The following ITGBL1 variants were observed in gnomAD, a reference collection of about 807,000 sequenced individuals.
ITGBL1 encodes the protein integrin beta-like protein 1.
Under a neutral mutation model 68.5 loss-of-function variants are expected in ITGBL1, and 51 were observed. The ratio of observed to expected loss-of-function variants is 0.74; its 90% CI spans 0.59 to 0.94. The LOEUF (loss-of-function observed/expected upper bound fraction) is 0.94, where lower values mean the gene tolerates loss of function less well. Ranked by LOEUF, ITGBL1 falls within the 40% of genes least tolerant of loss-of-function variation. The pLI, the probability that ITGBL1 is intolerant of heterozygous loss-of-function variation, is 0.00. For missense variants in ITGBL1, 649 were observed against 647.4 expected (o/e 1.00, Z -0.03); for synonymous variants, 209 against 227.3 (o/e 0.92, Z 0.72).
At chr13:101,719,176 AACTT>A (rs1275174747), downstream of ITGBL1, 3 of 152,156 alleles carry the variant, frequency 2.0e-5, no homozygotes, top group African/African-American at 4.8e-5. Flanking sequence ...ATACGTGTCT[AACTT>A]ACTTAAAGAA....
At chr13:101,554,693 G>A (rs1033332041) in intron 2 of ITGBL1, among the ~76,000 whole-genome samples, 3 of 152,202 alleles carry the variant, frequency 2.0e-5, no homozygotes, top group Admixed American at 2.0e-4. Context: ...CCAGGGATAT[G>A]CAGTTTGGAC....
Position 101,472,721 on chromosome 13 carries a change from A to AT in ITGBL1, c.316+18629dup, listed in dbSNP as rs199717194. On this transcript the variant is annotated intron_variant, in intron 2 of 10. Coordinates refer to ENST00000376180, the MANE Select transcript of ITGBL1 (RefSeq NM_004791.3). ...TTAACTTAATGCAGAGGGTTGTTTC[A>AT]TTTTTTTTAATGAGGAACTTTAATT... Among the ~76,000 whole-genome samples, 663 of 151,776 alleles carry AT rather than the reference A, an allele frequency of 4.4e-3. 5 individuals carry two copies. Among genetic ancestry groups the AT allele is most frequent in the African/African-American group, 0.015 (637 of 41,418 alleles).
intron 2 of ITGBL1, among the ~76,000 whole-genome samples, chr13:101,541,678 T>TG (rs1350902397): frequency 6.6e-6 from 1 of 152,202 alleles, no homozygotes; most frequent in Non-Finnish European, 1.5e-5. Context: ...TGAATCCATC[T>TG]GGTCCTGGAC....
intron 2 of ITGBL1, among the ~76,000 whole-genome samples, chr13:101,504,203 A>AT (rs2048989288): frequency 6.6e-6 from 1 of 152,156 alleles, no homozygotes; most frequent in South Asian, 2.1e-4. Context: ...ACATACACTT[A>AT]TTTTTTAAAA....
intron 2 of ITGBL1, among the ~76,000 whole-genome samples, chr13:101,513,476 G>A (rs1389203352): frequency 6.6e-6 from 1 of 151,960 alleles, no homozygotes; most frequent in Admixed American, 6.6e-5. Context: ...TTATTACATG[G>A]TGCCAAAATT....
At chr13:101,516,961 T>G (rs866822392) in intron 2 of ITGBL1, among the ~76,000 whole-genome samples, 4 of 152,160 alleles carry the variant, frequency 2.6e-5, no homozygotes. Context: ...GAGAATGAAC[T>G]TTGGCTTAAA....
intron 2 of ITGBL1, among the ~76,000 whole-genome samples, chr13:101,526,155 C>CTTCTTCTTT (rs368448615): frequency 7.3e-6 from 1 of 136,550 alleles, no homozygotes; most frequent in Non-Finnish European, 1.6e-5. Flanking sequence ...TCTTCTTCTT[C>CTTCTTCTTT]TTTTTTTTTT....
At chr13:101,676,723 C>A (rs533659938) in intron 7 of ITGBL1, among the ~76,000 whole-genome samples, 5 of 152,000 alleles carry the variant, frequency 3.3e-5, no homozygotes, top group African/African-American at 1.2e-4. Flanking sequence ...AAAATTATTT[C>A]TTACAACAGA....
At chr13:101,540,270 T>C (rs9557690) in intron 2 of ITGBL1, among the ~76,000 whole-genome samples, 118,639 of 151,608 alleles carry the variant, frequency 0.78, 46,377 homozygotes, top group Middle Eastern at 0.8. Flanking sequence ...TTTCTACATA[T>C]GGCTAGCCAG....
At chr13:101,504,250 C>A (rs1269193645) in intron 2 of ITGBL1, among the ~76,000 whole-genome samples, 2 of 152,020 alleles carry the variant, frequency 1.3e-5, no homozygotes, top group Non-Finnish European at 2.9e-5. Flanking sequence ...ACTGTTCATC[C>A]CTTTTGTGCT....
intron 8 of ITGBL1, among the ~76,000 whole-genome samples, chr13:101,704,123 T>G (rs1377426029): frequency 6.6e-6 from 1 of 152,158 alleles, no homozygotes; most frequent in African/African-American, 2.4e-5. Context: ...GGCTGCTGAC[T>G]CTTTACAGCA....
intron 7 of ITGBL1, among the ~76,000 whole-genome samples, chr13:101,653,591 C>G (rs1027665843): frequency 2.0e-5 from 3 of 152,122 alleles, no homozygotes; most frequent in Admixed American, 6.5e-5. Context: ...AAGAAGAGGG[C>G]TCCAAAAACA....
intron 2 of ITGBL1, among the ~76,000 whole-genome samples, chr13:101,455,813 T>G (rs2048235968): frequency 6.6e-6 from 1 of 152,236 alleles, no homozygotes; most frequent in Admixed American, 6.5e-5. Context: ...ATTTGACTGT[T>G]ACTTGGCTTC....
At chr13:101,654,375 G>T (rs887327890) in intron 7 of ITGBL1, among the ~76,000 whole-genome samples, 1 of 152,164 alleles carries the variant, frequency 6.6e-6, no homozygotes, top group African/African-American at 2.4e-5. Flanking sequence ...ACCCGAAGGT[G>T]GGGACAAAGG....
intron 9 of ITGBL1, among the ~76,000 whole-genome samples, chr13:101,707,951 C>A (rs2034299134): frequency 6.6e-6 from 1 of 151,202 alleles, no homozygotes; most frequent in Non-Finnish European, 1.5e-5. Context: ...GCCACCAACC[C>A]AATAAAACAT....
chr13:101,710,299 C>T (rs1468789982), intron 9 of ITGBL1, among the ~76,000 whole-genome samples: 1 of 152,156 alleles, frequency 6.6e-6, no homozygotes, highest in Non-Finnish European at 1.5e-5. Context: ...TGATCGTGAT[C>T]TCCCTTCTTT....
intron 2 of ITGBL1, among the ~76,000 whole-genome samples, chr13:101,479,283 C>A (rs1034065187): frequency 3.3e-5 from 5 of 152,070 alleles, no homozygotes; most frequent in Admixed American, 3.3e-4. Context: ...AGACCCTTAT[C>A]TCTCACCACA....
intron 2 of ITGBL1, among the ~76,000 whole-genome samples, chr13:101,540,854 T>C (rs1594876935): frequency 1.1e-5 from 1 of 94,278 alleles, no homozygotes; most frequent in Non-Finnish European, 2.5e-5. Flanking sequence ...GGCTCTCTGT[T>C]TGTCTGTTAT....
chr13:101,600,045 G>C (rs139110039), intron 7 of ITGBL1, among the ~76,000 whole-genome samples: 1 of 152,040 alleles, frequency 6.6e-6, no homozygotes, highest in African/African-American at 2.4e-5. Context: ...CCATTTTCAC[G>C]ATATTGATTC....
Sources: gnomAD v4.1 joint callset for allele counts (sites outside exome capture counted in the v4.1 genomes callset) on GRCh38, gnomAD v4.1.1 for gene constraint, MANE v1.5 for transcripts, NCBI Gene and HGNC (gene_info 2026-07-23, HGNC 2026-07-21) for gene names.